The following CNTN5 variants were observed in gnomAD, a reference collection of about 807,000 sequenced individuals.
The protein encoded by CNTN5 is contactin-5.
A neutral mutation model predicts 129.1 loss-of-function variants in CNTN5; 77 were observed. The ratio of observed to expected loss-of-function variants is 0.60; its 90% CI spans 0.50 to 0.72. CNTN5 has a LOEUF of 0.72. Among genes scored for constraint, CNTN5 ranks in the 30% least tolerant of loss-of-function variants. The probability of loss-of-function intolerance (pLI) is 0.00; values close to 1 mark genes in which losing one functional copy is unlikely to be tolerated. For missense variants in CNTN5, 1,478 were observed against 1,328.8 expected, an observed-to-expected ratio of 1.11 and a Z score of -1.75; for synonymous variants, 509 against 465.6, an observed-to-expected ratio of 1.09 and a Z score of -1.20.
intron 16 of CNTN5, among the ~76,000 whole-genome samples, chr11:100,247,359 A>G (rs1250899318): frequency 6.6e-6 from 1 of 152,216 alleles, no homozygotes; most frequent in Non-Finnish European, 1.5e-5. Flanking sequence ...GAAAAAAAGG[A>G]AAGTATAACT....
chr11:100,257,163 C>A (rs979695510), intron 17 of CNTN5, among the ~76,000 whole-genome samples: 1 of 152,118 alleles, frequency 6.6e-6, no homozygotes, highest in African/African-American at 2.4e-5. Context: ...GTAAACAAAG[C>A]CACCTGGAAG....
intron 2 of CNTN5, among the ~76,000 whole-genome samples, chr11:99,493,776 T>C (rs1946124827): frequency 6.6e-6 from 1 of 152,186 alleles, no homozygotes; most frequent in South Asian, 2.1e-4. Context: ...ATGTATTTTT[T>C]AACAAATAGA....
At chr11:99,932,517 A>G (rs1950216174) in intron 7 of CNTN5, among the ~76,000 whole-genome samples, 1 of 152,162 alleles carries the variant, frequency 6.6e-6, no homozygotes, top group Non-Finnish European at 1.5e-5. Context: ...TTTAAAGTAC[A>G]TACCTTAAAA....
At chr11:99,613,402 T>C (rs10893600) in intron 3 of CNTN5, among the ~76,000 whole-genome samples, 25,210 of 152,038 alleles carry the variant, frequency 0.17, 2,318 homozygotes, top group Non-Finnish European at 0.2. Flanking sequence ...TGTTTGTGAG[T>C]TTTTCTGAGG....
chr11:99,940,319 T>C (rs886321053), intron 7 of CNTN5, among the ~76,000 whole-genome samples: 1 of 152,146 alleles, frequency 6.6e-6, no homozygotes, highest in Non-Finnish European at 1.5e-5. Flanking sequence ...ATCCTCCAAA[T>C]ATTAGTATTA....
At chr11:100,118,806 T>C (rs1194257396) in intron 13 of CNTN5, among the ~76,000 whole-genome samples, 1 of 151,880 alleles carries the variant, frequency 6.6e-6, no homozygotes, top group Non-Finnish European at 1.5e-5. Flanking sequence ...TTTTTATGTA[T>C]AATTGTTAAA....
chr11:99,792,570 T>C (rs867533453), intron 3 of CNTN5, among the ~76,000 whole-genome samples: 80 of 121,170 alleles, frequency 6.6e-4, no homozygotes, highest in African/African-American at 2.4e-3. Context: ...TGTGTGTGTG[T>C]GTGTGTCTGT....
intron 23 of CNTN5, 62 bp downstream of exon 23, chr11:100,341,267 G>C: frequency 8.0e-7 from 1 of 1,243,694 alleles, no homozygotes; most frequent in Non-Finnish European, 1.2e-6. Flanking sequence ...TATGAAGATG[G>C]AAAATTAATA....
chr11:100,194,487 T>A (rs1490543169), intron 15 of CNTN5, among the ~76,000 whole-genome samples: 1 of 151,868 alleles, frequency 6.6e-6, no homozygotes, highest in Non-Finnish European at 1.5e-5. Context: ...CTTATTAGTA[T>A]CAGTTGATCC....
intron 2 of CNTN5, among the ~76,000 whole-genome samples, chr11:99,511,351 T>C (rs1946828984): frequency 6.6e-6 from 1 of 152,060 alleles, no homozygotes; most frequent in Non-Finnish European, 1.5e-5. Context: ...AGTTGAGAGG[T>C]TTTGAGTGAG....
intron 1 of CNTN5, among the ~76,000 whole-genome samples, chr11:99,091,790 A>G (rs1866264631): frequency 6.6e-6 from 1 of 152,220 alleles, no homozygotes; most frequent in South Asian, 2.1e-4. Flanking sequence ...TGTGTTGGCC[A>G]TTTATGATAT....
intron 16 of CNTN5, among the ~76,000 whole-genome samples, chr11:100,231,366 C>T (rs1939707): frequency 0.79 from 119,679 of 152,018 alleles, 47,194 homozygotes; most frequent in East Asian, 0.84. Context: ...ATAATAGAGA[C>T]AGGAAGGGGT....
At chr11:99,357,427 A>G (rs945753168) in intron 2 of CNTN5, among the ~76,000 whole-genome samples, 1 of 151,780 alleles carries the variant, frequency 6.6e-6, no homozygotes, top group African/African-American at 2.4e-5. Context: ...TAACAATATT[A>G]TATACTTGAA....
chr11:99,205,975 C>G (rs896378722), intron 1 of CNTN5, among the ~76,000 whole-genome samples: 2 of 152,070 alleles, frequency 1.3e-5, no homozygotes, highest in Non-Finnish European at 2.9e-5. Context: ...TTGATCCTCA[C>G]TTCTGACCTG....
intron 2 of CNTN5, among the ~76,000 whole-genome samples, chr11:99,505,467 T>A (rs914156774): frequency 6.6e-6 from 1 of 152,170 alleles, no homozygotes; most frequent in African/African-American, 2.4e-5. Flanking sequence ...AATAGAGTTT[T>A]TTGAGAGCTT....
intron 19 of CNTN5, 106 bp from the exon 20 acceptor site, chr11:100,299,056 T>C: frequency 1.5e-6 from 1 of 687,170 alleles, no homozygotes; most frequent in Non-Finnish European, 2.4e-6. Context: ...GATTTGAGAT[T>C]CTCCCTTTCT....
intron 9 of CNTN5, among the ~76,000 whole-genome samples, chr11:100,055,029 A>T (rs12803699): frequency 0.2 from 8,551 of 42,186 alleles, 289 homozygotes; most frequent in East Asian, 0.42. Context: ...GCCGTAGCCT[A>T]AAAAAAAAAA....
At chr11:99,984,262 T>G (rs1197116669) in intron 8 of CNTN5, among the ~76,000 whole-genome samples, 1 of 145,878 alleles carries the variant, frequency 6.9e-6, no homozygotes, top group Admixed American at 7.1e-5. Flanking sequence ...GGGTGTCAGC[T>G]AGACTCCATC....
At chr11:99,712,168 A>C (rs1038225888) in intron 3 of CNTN5, among the ~76,000 whole-genome samples, 5 of 152,156 alleles carry the variant, frequency 3.3e-5, no homozygotes, top group Non-Finnish European at 5.9e-5. Context: ...AATGATCGCC[A>C]TTCTAACTGG....
Sources: allele counts gnomAD v4.1 joint callset (sites outside exome capture counted in the v4.1 genomes callset), GRCh38; gene constraint gnomAD v4.1.1; transcripts MANE v1.5; gene names NCBI Gene and HGNC (gene_info 2026-07-23, HGNC 2026-07-21).